MAGI1: variants seen among roughly 807,000 people sequenced by gnomAD.
The protein encoded by MAGI1 is membrane-associated guanylate kinase, WW and PDZ domain-containing protein 1.
Under a neutral mutation model 139.9 loss-of-function variants are expected in MAGI1, and 58 were observed. The observed-to-expected ratio is 0.41, with a 90% CI of 0.34 to 0.52. The LOEUF (loss-of-function observed/expected upper bound fraction) is 0.52. Ranked by LOEUF, MAGI1 falls within the 20% of genes least tolerant of loss-of-function variation. The pLI is 0.12. For missense variants in MAGI1, 1,874 were observed against 1,901.6 expected (o/e 0.99, Z 0.27); for synonymous variants, 812 against 737.9 (o/e 1.10, Z -1.63).
At chr3:65,641,997 G>T (rs556669665) in intron 1 of MAGI1, among the ~76,000 whole-genome samples, 48 of 152,310 alleles carry the variant, frequency 3.2e-4, no homozygotes, top group Admixed American at 2.6e-3. Context: ...GAAAGGGCCT[G>T]CTGGGATCAC....
chr3:65,954,048 T>G (rs1179492007), intron 1 of MAGI1, among the ~76,000 whole-genome samples: 1 of 152,062 alleles, frequency 6.6e-6, no homozygotes, highest in African/African-American at 2.4e-5. Flanking sequence ...ATGACTTCAT[T>G]TCCTCCAGAG....
At chr3:65,671,366 CTA>C (rs1219755270) in intron 1 of MAGI1, among the ~76,000 whole-genome samples, 2 of 152,180 alleles carry the variant, frequency 1.3e-5, no homozygotes, top group Admixed American at 6.5e-5. Context: ...CTCTTACTGA[CTA>C]GATACCAGGA....
chr3:65,445,840 CCGA>C (rs1948642270), intron 7 of MAGI1, among the ~76,000 whole-genome samples: 1 of 152,164 alleles, frequency 6.6e-6, no homozygotes, highest in African/African-American at 2.4e-5. Context: ...CTCTCAGAGG[CCGA>C]TTACAAAGAG....
At chr3:65,722,483 A>G (rs1380311257) in intron 1 of MAGI1, among the ~76,000 whole-genome samples, 1 of 151,774 alleles carries the variant, frequency 6.6e-6, no homozygotes, top group African/African-American at 2.4e-5. Context: ...AAAAAAAAAA[A>G]TTAGCTAGAC....
chr3:66,010,122 T>C (rs1287098029), intron 1 of MAGI1, among the ~76,000 whole-genome samples: 2 of 148,158 alleles, frequency 1.3e-5, no homozygotes, highest in Admixed American at 1.3e-4. Flanking sequence ...TGTTTATTTT[T>C]AAAAACAATA....
chr3:65,521,765 A>T (rs2078174541), intron 2 of MAGI1, among the ~76,000 whole-genome samples: 1 of 152,238 alleles, frequency 6.6e-6, no homozygotes, highest in African/African-American at 2.4e-5. Flanking sequence ...GTAAGGCATT[A>T]GAAAGTCATT....
intron 2 of MAGI1, among the ~76,000 whole-genome samples, chr3:65,562,029 T>C (rs1427643271): frequency 6.6e-6 from 1 of 152,216 alleles, no homozygotes; most frequent in Non-Finnish European, 1.5e-5. Flanking sequence ...ATCATTATAA[T>C]TGTTCTATTT....
At chr3:65,458,907 G>T (rs1194036090) in intron 5 of MAGI1, among the ~76,000 whole-genome samples, 2 of 152,128 alleles carry the variant, frequency 1.3e-5, no homozygotes, top group African/African-American at 4.8e-5. Context: ...CTTCCTCAAT[G>T]TTTTGTTTCG....
intron 2 of MAGI1, among the ~76,000 whole-genome samples, chr3:65,600,650 G>GC (rs11379145): frequency 1 from 152,323 of 152,328 alleles, 76,159 homozygotes; most frequent in Non-Finnish European, 1. Context: ...GGCTTATAGA[G>GC]CCAAGGGCAA....
rs372093003 is a variant in MAGI1 at position 65,457,359 on chromosome 3, T to G, written c.960-4019A>C. The stretch of plus-strand genomic sequence containing the variant: ...GCTGAGTAGTATTCCATGAAATTAA[T>G]GTATCACACAGCCTGTCTAACCACT... On this transcript the variant is annotated intron_variant, in intron 5 of 22. Coordinates refer to ENST00000402939, the MANE Select transcript of MAGI1 (RefSeq NM_001033057.2). Among the ~76,000 whole-genome samples the G allele has an allele frequency of 3.3e-5, 5 of 152,320 alleles. No homozygotes were observed. In the East Asian group the frequency reaches 9.6e-4, roughly 29 times the overall value.
intron 2 of MAGI1, among the ~76,000 whole-genome samples, chr3:65,504,036 G>A (rs2077182542): frequency 6.6e-6 from 1 of 152,160 alleles, no homozygotes; most frequent in African/African-American, 2.4e-5. Context: ...TACAAAAAGA[G>A]AGTATATGTT....
At chr3:65,815,231 G>A (rs1489776067) in intron 1 of MAGI1, among the ~76,000 whole-genome samples, 10 of 152,182 alleles carry the variant, frequency 6.6e-5, no homozygotes. Context: ...CCATGATCTG[G>A]GAATGAAATA....
intron 1 of MAGI1, among the ~76,000 whole-genome samples, chr3:65,715,392 T>C (rs1437101002): frequency 6.6e-6 from 1 of 152,208 alleles, no homozygotes; most frequent in Non-Finnish European, 1.5e-5. Flanking sequence ...CAGGTGTAAG[T>C]TCAATTTGCT....
chr3:66,035,253 G>GT (rs1245879883), intron 1 of MAGI1, among the ~76,000 whole-genome samples: 1 of 152,128 alleles, frequency 6.6e-6, no homozygotes, highest in Non-Finnish European at 1.5e-5. Flanking sequence ...TTTGGTCCAT[G>GT]TATCTTTCCA....
chr3:66,033,567 T>C (rs28647424), intron 1 of MAGI1, among the ~76,000 whole-genome samples: 1,980 of 152,246 alleles, frequency 0.013, 35 homozygotes, highest in African/African-American at 0.039. Flanking sequence ...ATGAGAGTTA[T>C]TGTCATACAT....
intron 3 of MAGI1, among the ~76,000 whole-genome samples, chr3:65,487,276 T>C (rs1464740314): frequency 6.6e-6 from 1 of 152,362 alleles, no homozygotes; most frequent in Non-Finnish European, 1.5e-5. Context: ...CAATTGGATA[T>C]TCGTTTATTT....
intron 2 of MAGI1, among the ~76,000 whole-genome samples, chr3:65,524,327 A>C (rs972804880): frequency 8.5e-5 from 13 of 152,214 alleles, no homozygotes; most frequent in African/African-American, 2.9e-4. Flanking sequence ...GTAAAACAGA[A>C]GTACTCTTTT....
chr3:65,565,373 T>C (rs1197046815), intron 2 of MAGI1, among the ~76,000 whole-genome samples: 1 of 152,142 alleles, frequency 6.6e-6, no homozygotes, highest in Non-Finnish European at 1.5e-5. Context: ...CATAGGACCA[T>C]TCATGGCCAG....
intron 5 of MAGI1, among the ~76,000 whole-genome samples, chr3:65,454,526 TATAATA>T (rs35819390): frequency 0.52 from 43,192 of 82,946 alleles, 8,074 homozygotes; most frequent in East Asian, 0.76. Context: ...AAACTGAAAG[TATAATA>T]ATAATAATAA....
Sources: gnomAD v4.1 joint callset for allele counts (sites outside exome capture counted in the v4.1 genomes callset) on GRCh38, gnomAD v4.1.1 for gene constraint, MANE v1.5 for transcripts, NCBI Gene and HGNC (gene_info 2026-07-23, HGNC 2026-07-21) for gene names.